Variants in PHF21B observed in about 807,000 individuals in gnomAD.
PHF21B encodes the protein PHD finger protein 4.
In PHF21B, 22 loss-of-function variants were observed where a neutral mutation model predicts 62.2. The ratio of observed to expected loss-of-function variants is 0.35; its 90% CI spans 0.25 to 0.51. The LOEUF (loss-of-function observed/expected upper bound fraction) is 0.51. Ranked by LOEUF, PHF21B falls within the 20% of genes least tolerant of loss-of-function variation. PHF21B has a pLI of 0.97. For synonymous variants in PHF21B, 341 were observed against 314.7 expected (o/e 1.08, Z -0.88); for missense variants, 701 against 707.9 (o/e 0.99, Z 0.11).
chr22:44,977,882 G>C (rs1379434856), intron 2 of PHF21B, among the ~76,000 whole-genome samples: 1 of 151,686 alleles, frequency 6.6e-6, no homozygotes, highest in African/African-American at 2.4e-5. Context: ...CACTGCACCT[G>C]GCCTGCATGT....
chr22:44,925,275 C>T (rs2071607262), intron 2 of PHF21B, among the ~76,000 whole-genome samples: 1 of 152,202 alleles, frequency 6.6e-6, no homozygotes, highest in Non-Finnish European at 1.5e-5. Flanking sequence ...ATACATGCAG[C>T]TCATTGTGTA....
chr22:44,924,470 T>C (rs1009450998), intron 2 of PHF21B, among the ~76,000 whole-genome samples: 3 of 152,186 alleles, frequency 2.0e-5, no homozygotes, highest in Admixed American at 6.5e-5. Context: ...TATTTGGAGA[T>C]GGGGCCTCCG....
intron 2 of PHF21B, among the ~76,000 whole-genome samples, chr22:44,941,449 C>G (rs5766218): frequency 1.3e-5 from 2 of 152,058 alleles, no homozygotes; most frequent in African/African-American, 4.8e-5. Flanking sequence ...CCTCCTCCCC[C>G]GAGGCCACTT....
chr22:44,996,095 C>G (rs181816204), intron 2 of PHF21B, among the ~76,000 whole-genome samples: 4 of 152,308 alleles, frequency 2.6e-5, no homozygotes. Flanking sequence ...GCCAGCGGCA[C>G]AGGGCCCATG....
At chr22:44,934,363 C>T (rs184233814) in intron 2 of PHF21B, among the ~76,000 whole-genome samples, 6 of 152,328 alleles carry the variant, frequency 3.9e-5, no homozygotes, top group East Asian at 1.9e-4. Context: ...GCGATGACAT[C>T]ATCACAACAA....
chr22:44,960,948 G>A (rs949001076), intron 2 of PHF21B, among the ~76,000 whole-genome samples: 2 of 125,696 alleles, frequency 1.6e-5, no homozygotes, highest in Non-Finnish European at 3.3e-5. Flanking sequence ...TCAAAATCAC[G>A]TGAGTTGATT....
In PHF21B at chr22:44,881,946, G is replaced by T. The variant is rs4392353; in HGVS notation, c.*1140C>A. ...TCCTCCCCAACCCTCCACCCGGCTC[G>T]TAAAAAACCTGCCGGATCTTCCAGC... On this transcript the variant is annotated 3_prime_UTR_variant, in exon 13 of 13. Coordinates refer to ENST00000313237, the MANE Select transcript of PHF21B (RefSeq NM_138415.5). 0.62 allele frequency: 94,067 copies of T among 152,342 alleles called. 29,191 individuals carry two copies. Among genetic ancestry groups the T allele is most frequent in the African/African-American group, 0.69 (28,486 of 41,436 alleles). 9.4% of individuals were successfully genotyped at this position (152,342 alleles called of 1,614,324 possible).
At chr22:44,916,665 C>T (rs946037948) in intron 3 of PHF21B, 35 bp from the exon 4 acceptor site, 1 of 1,585,688 alleles carries the variant, frequency 6.3e-7, no homozygotes. Flanking sequence ...GTCAGACAGG[C>T]AGACACACAG....
At chr22:44,897,948 A>G (rs1301919068) in intron 5 of PHF21B, among the ~76,000 whole-genome samples, 1 of 152,142 alleles carries the variant, frequency 6.6e-6, no homozygotes. Flanking sequence ...AACTGAGACT[A>G]CAGGTGCACA....
chr22:44,927,148 T>C (rs1332151672), intron 2 of PHF21B, among the ~76,000 whole-genome samples: 2 of 142,924 alleles, frequency 1.4e-5, no homozygotes, highest in African/African-American at 5.2e-5. Flanking sequence ...GAGAGAGAGG[T>C]GAGGAGATGA....
At chr22:44,981,309 C>T (rs2072837978) in intron 2 of PHF21B, among the ~76,000 whole-genome samples, 1 of 152,226 alleles carries the variant, frequency 6.6e-6, no homozygotes. Flanking sequence ...TCCTCGGATA[C>T]TGTCTCCAGC....
At chr22:45,008,492 G>T in intron 2 of PHF21B, 53 bp downstream of exon 2, 3 of 1,472,358 alleles carry the variant, frequency 2.0e-6, no homozygotes, top group South Asian at 2.6e-5. Flanking sequence ...CCGCCAAAGT[G>T]CCCAGCCACC....
Position 44,927,772 on chromosome 22 carries a change from C to T in PHF21B, c.121-7282G>A, listed in dbSNP as rs188334477. 2.6e-5 allele frequency among the ~76,000 whole-genome samples: 4 copies of T among 152,324 alleles called. No individual in the cohort carries two copies. The East Asian group carries it at 5.8e-4, about 22-fold the overall frequency. On this transcript the variant is annotated intron_variant, in intron 2 of 12. Coordinates refer to ENST00000313237, the MANE Select transcript of PHF21B (RefSeq NM_138415.5). ...TCTGCTCCAAGCTGGAATTTATTGA[C>T]ACCAGCAGAAACAATCATCTCAGAC...
intron 2 of PHF21B, among the ~76,000 whole-genome samples, chr22:44,984,287 T>G (rs112587956): frequency 7.0e-6 from 1 of 143,486 alleles, no homozygotes; most frequent in Non-Finnish European, 1.5e-5. Context: ...ACCACCACCA[T>G]CATCATCATC....
chr22:45,000,123 T>C (rs1316070746), intron 2 of PHF21B, among the ~76,000 whole-genome samples: 1 of 151,884 alleles, frequency 6.6e-6, no homozygotes, highest in Non-Finnish European at 1.5e-5. Context: ...GGAGCCGGGA[T>C]TGGAACTCCA....
At chr22:44,947,870 C>T (rs181996362) in intron 2 of PHF21B, among the ~76,000 whole-genome samples, 29 of 152,210 alleles carry the variant, frequency 1.9e-4, no homozygotes, top group African/African-American at 6.0e-4. Context: ...TTACAAACAG[C>T]GATGTGCGCA....
intron 2 of PHF21B, among the ~76,000 whole-genome samples, chr22:44,957,495 A>AT (rs1289540178): frequency 6.6e-6 from 1 of 152,022 alleles, no homozygotes; most frequent in Non-Finnish European, 1.5e-5. Context: ...TCTCAAATCC[A>AT]TTTTATGTGT....
intron 5 of PHF21B, among the ~76,000 whole-genome samples, chr22:44,908,262 G>A (rs2071285732): frequency 6.6e-6 from 1 of 152,152 alleles, no homozygotes; most frequent in South Asian, 2.1e-4. Context: ...GAGGATCAGT[G>A]CCTCTGGGCC....
At chr22:44,945,543 G>A (rs115209667) in intron 2 of PHF21B, among the ~76,000 whole-genome samples, 4,059 of 152,220 alleles carry the variant, frequency 0.027, 172 homozygotes, top group African/African-American at 0.092. Context: ...TTGTTTCCCT[G>A]GCTCCAGCCC....
Sources: gnomAD v4.1 joint callset for allele counts (sites outside exome capture counted in the v4.1 genomes callset) on GRCh38, gnomAD v4.1.1 for gene constraint, MANE v1.5 for transcripts, NCBI Gene and HGNC (gene_info 2026-07-23, HGNC 2026-07-21) for gene names.